Variants in CHODL observed in about 807,000 individuals in gnomAD.
CHODL encodes transmembrane protein MT75.
A neutral mutation model predicts 34.5 loss-of-function variants in CHODL; 29 were observed. That is an observed-to-expected ratio of 0.84 (90% CI 0.63 to 1.15). The LOEUF is 1.15. Ranked by LOEUF, CHODL falls within the 50% of genes most tolerant of loss-of-function variation. CHODL has a pLI of 0.00. For synonymous variants in CHODL, 125 were observed against 116.1 expected, an observed-to-expected ratio of 1.08 and a Z score of -0.49; for missense variants, 332 against 332.5, an observed-to-expected ratio of 1.00 and a Z score of 0.01.
At chr21:18,033,509 G>A (rs1183738458) in intron 2 of CHODL, among the ~76,000 whole-genome samples, 1 of 152,014 alleles carries the variant, frequency 6.6e-6, no homozygotes, top group Non-Finnish European at 1.5e-5. Flanking sequence ...TAATATCAAT[G>A]TTTGGATTTA....
chr21:17,929,079 AG>A (rs1324214305), intron 1 of CHODL, among the ~76,000 whole-genome samples: 1 of 152,224 alleles, frequency 6.6e-6, no homozygotes, highest in Non-Finnish European at 1.5e-5. Flanking sequence ...AAGAAAAGAC[AG>A]CCAACATATT....
intron 1 of CHODL, among the ~76,000 whole-genome samples, chr21:17,927,140 A>ATG (rs2063233566): frequency 9.0e-6 from 1 of 111,238 alleles, no homozygotes; most frequent in African/African-American, 3.8e-5. Flanking sequence ...ATATGTATAT[A>ATG]TGTATATATG....
intron 1 of CHODL, among the ~76,000 whole-genome samples, chr21:18,023,331 G>T (rs2064144618): frequency 6.6e-6 from 1 of 152,142 alleles, no homozygotes; most frequent in East Asian, 1.9e-4. Flanking sequence ...CCAGTTGGTT[G>T]TGGTATGAGC....
Position 17,975,259 on chromosome 21 carries a change from A to G in CHODL, c.-144-52613A>G, listed in dbSNP as rs549317430. On this transcript the variant is annotated intron_variant, in intron 1 of 6. Coordinates refer to the CHODL transcript ENST00000400127. ...GCATGTTCTCACAAGTGGGAGCTAA[A>G]CACTGAGTACATATGGACACGTGTA... Among the ~76,000 whole-genome samples the G allele has an allele frequency of 6.6e-5, 10 of 152,258 alleles. No homozygotes were observed. The East Asian group carries it at 1.9e-3, about 29-fold the overall frequency.
intron 2 of CHODL, among the ~76,000 whole-genome samples, chr21:18,061,125 A>G (rs762857760): frequency 5.3e-5 from 8 of 152,202 alleles, no homozygotes; most frequent in Non-Finnish European, 1.2e-4. Flanking sequence ...GAGAACAACT[A>G]AATTGGCAAA....
At chr21:17,968,386 G>C (rs1266782650) in intron 1 of CHODL, among the ~76,000 whole-genome samples, 1 of 150,924 alleles carries the variant, frequency 6.6e-6, no homozygotes, top group East Asian at 2.0e-4. Flanking sequence ...ACAACACATA[G>C]TATTTTCTTG....
At chr21:17,968,354 G>A (rs1248075470) in intron 1 of CHODL, among the ~76,000 whole-genome samples, 2 of 152,120 alleles carry the variant, frequency 1.3e-5, no homozygotes, top group African/African-American at 2.4e-5. Flanking sequence ...ACCTTGAATG[G>A]CTTTGTGTAG....
At chr21:18,017,896 T>G (rs750418897) in intron 1 of CHODL, among the ~76,000 whole-genome samples, 2 of 152,248 alleles carry the variant, frequency 1.3e-5, no homozygotes, top group Non-Finnish European at 2.9e-5. Context: ...AGAGCGGTAT[T>G]GCTGCTCAAG....
intron 2 of CHODL, among the ~76,000 whole-genome samples, chr21:18,184,626 G>A (rs2073418900): frequency 6.6e-6 from 1 of 152,156 alleles, no homozygotes; most frequent in Non-Finnish European, 1.5e-5. Context: ...AGTCATCAGG[G>A]CTGGACAATG....
At chr21:18,135,728 T>G (rs1490803962) in intron 2 of CHODL, among the ~76,000 whole-genome samples, 1 of 152,224 alleles carries the variant, frequency 6.6e-6, no homozygotes, top group Non-Finnish European at 1.5e-5. Context: ...ATATGACTCT[T>G]GCATTTTGTG....
chr21:18,092,576 A>T, intron 2 of CHODL, among the ~76,000 whole-genome samples: 1 of 152,242 alleles, frequency 6.6e-6, no homozygotes, highest in East Asian at 1.9e-4. Flanking sequence ...ACTTGAAGAT[A>T]ACACAGAAAA....
intron 2 of CHODL, among the ~76,000 whole-genome samples, chr21:18,138,493 T>G (rs1025709832): frequency 2.0e-5 from 3 of 152,190 alleles, no homozygotes; most frequent in Admixed American, 6.5e-5. Context: ...TCTGTTATCA[T>G]ATTTATAGTC....
chr21:18,132,780 C>T (rs2072672658), intron 2 of CHODL, among the ~76,000 whole-genome samples: 1 of 152,030 alleles, frequency 6.6e-6, no homozygotes, highest in African/African-American at 2.4e-5. Flanking sequence ...CTTTTTGTTC[C>T]CTTTTTTATT....
intron 2 of CHODL, among the ~76,000 whole-genome samples, chr21:18,188,504 A>T (rs1421292222): frequency 6.6e-6 from 1 of 152,246 alleles, no homozygotes; most frequent in Non-Finnish European, 1.5e-5. Flanking sequence ...ATTCAAACAA[A>T]ATAGAAATCT....
rs557487372 is a variant in CHODL, at chr21:18,114,450, CTTAT to C, written c.-45+86485_-45+86488del. Among the ~76,000 whole-genome samples, 220 of 152,092 alleles carry C rather than the reference CTTAT, an allele frequency of 1.4e-3. 1 individual carries two copies. The highest frequency in any genetic ancestry group is 2.7e-3 in the Non-Finnish European group (181 of 67,982). On this transcript the variant is annotated intron_variant, in intron 2 of 6. Coordinates refer to the CHODL transcript ENST00000400127. ...ACAGTTTAAAAAATAATTTAAAAAA[CTTAT>C]TTATTATTTTTTTTTGAGATGGAAT...
chr21:18,207,683 G>A (rs1176151176), intron 2 of CHODL, among the ~76,000 whole-genome samples: 2 of 56,160 alleles, frequency 3.6e-5, no homozygotes, highest in South Asian at 5.2e-4. Context: ...TTTTTTTTGC[G>A]GGGAAAGTCT....
chr21:18,183,606 T>G (rs558835095), intron 2 of CHODL, among the ~76,000 whole-genome samples: 24 of 152,332 alleles, frequency 1.6e-4, no homozygotes, highest in African/African-American at 5.8e-4. Flanking sequence ...TGATTCAAGT[T>G]GCCTAGATCC....
At chr21:18,083,559 G>C (rs1275828890) in intron 2 of CHODL, among the ~76,000 whole-genome samples, 1 of 152,194 alleles carries the variant, frequency 6.6e-6, no homozygotes, top group African/African-American at 2.4e-5. Context: ...CAGCCAGGAG[G>C]GGGGCTGTAC....
intron 1 of CHODL, among the ~76,000 whole-genome samples, chr21:17,994,886 G>A (rs13046526): frequency 0.13 from 20,387 of 152,150 alleles, 1,552 homozygotes; most frequent in South Asian, 0.3. Context: ...ACTGGAGGGG[G>A]ATGGGGTTAC....
Sources: allele counts gnomAD v4.1 joint callset (sites outside exome capture counted in the v4.1 genomes callset), GRCh38; gene constraint gnomAD v4.1.1; transcripts MANE v1.5; gene names NCBI Gene and HGNC (gene_info 2026-07-23, HGNC 2026-07-21).